KIF26B: variants seen among roughly 807,000 people sequenced by gnomAD.
KIF26B encodes kinesin-like protein KIF26B.
KIF26B carries 63 observed loss-of-function variants against 151.2 expected under a neutral mutation model. The ratio of observed to expected loss-of-function variants is 0.42; its 90% CI spans 0.34 to 0.51. The LOEUF (loss-of-function observed/expected upper bound fraction) is 0.51. KIF26B is among the 20% of genes least tolerant of loss of function. KIF26B has a pLI of 0.07. For synonymous variants in KIF26B, 1,357 were observed against 1,262.1 expected, an observed-to-expected ratio of 1.08 and a Z score of -1.59; for missense variants, 2,813 against 2,913.6, an observed-to-expected ratio of 0.97 and a Z score of 0.79.
chr1:245,624,473 A>G (rs559289176), intron 9 of KIF26B, among the ~76,000 whole-genome samples: 2 of 152,246 alleles, frequency 1.3e-5, no homozygotes, highest in East Asian at 1.9e-4. Context: ...TAGGTTTGTA[A>G]TAGTGTCTTG....
In KIF26B at chr1:245,597,756, T is replaced by A. The variant is rs2043349404; in HGVS notation, c.1351-4821T>A. On this transcript the variant is annotated intron_variant, in intron 5 of 14. Transcript: ENST00000407071. The surrounding 1 kb of genome is among the most constrained non-coding windows in gnomAD (Gnocchi z 4.6). ...CTTGGTTCCATTCTCCCTATCACTT[T>A]CAGGTACACCAATCAAACATAGGTT... Among the ~76,000 whole-genome samples the A allele has an allele frequency of 6.6e-6, 1 of 152,226 alleles. No homozygotes were observed. The highest frequency in any genetic ancestry group is 1.5e-5 in the Non-Finnish European group (1 of 68,038).
intron 2 of KIF26B, among the ~76,000 whole-genome samples, chr1:245,272,408 A>G (rs1340598994): frequency 6.6e-6 from 1 of 152,166 alleles, no homozygotes; most frequent in African/African-American, 2.4e-5. Context: ...ATCTCTTTAA[A>G]AAACAAACAA....
intron 3 of KIF26B, among the ~76,000 whole-genome samples, chr1:245,390,843 T>C (rs960357637): frequency 1.5e-5 from 2 of 137,862 alleles, no homozygotes; most frequent in African/African-American, 2.6e-5. Flanking sequence ...CCAAACCATT[T>C]GGGAGGCTGA....
chr1:245,191,533 T>C (rs1304511691), intron 2 of KIF26B, among the ~76,000 whole-genome samples: 1 of 151,952 alleles, frequency 6.6e-6, no homozygotes, highest in Non-Finnish European at 1.5e-5. Flanking sequence ...AGGAAATATA[T>C]GGATAAAGAA....
At chr1:245,406,126 G>A (rs1674129791) in intron 3 of KIF26B, among the ~76,000 whole-genome samples, 1 of 152,172 alleles carries the variant, frequency 6.6e-6, no homozygotes, top group Admixed American at 6.5e-5. Flanking sequence ...GAAGCACAGG[G>A]CACGTTCAGC....
chr1:245,404,224 T>A (rs115352750), intron 3 of KIF26B, among the ~76,000 whole-genome samples: 10,419 of 150,236 alleles, frequency 0.069, 480 homozygotes, highest in African/African-American at 0.13. Context: ...TTTTTTTTTT[T>A]ATAAAGCGTA....
chr1:245,326,633 C>T (rs180951015), intron 2 of KIF26B, among the ~76,000 whole-genome samples: 48 of 152,322 alleles, frequency 3.2e-4, no homozygotes, highest in Admixed American at 4.6e-4. Flanking sequence ...AGGCTTGGCA[C>T]AAGGAGCAGC....
intron 4 of KIF26B, among the ~76,000 whole-genome samples, chr1:245,426,520 G>A (rs1403668437): frequency 6.6e-6 from 1 of 152,154 alleles, no homozygotes; most frequent in Non-Finnish European, 1.5e-5. Flanking sequence ...AATCTCTTGT[G>A]TGGTATCTTC....
chr1:245,693,352 C>T (rs1265064997), intron 12 of KIF26B, among the ~76,000 whole-genome samples: 6 of 152,198 alleles, frequency 3.9e-5, no homozygotes, highest in Non-Finnish European at 4.4e-5. Context: ...GCCTGTTCTG[C>T]GCTCGACCCA....
rs1660328905 is a variant in KIF26B, at chr1:245,488,472, T to A, written c.1167-52295T>A. Among the ~76,000 whole-genome samples, 1 of 152,212 alleles carries A rather than the reference T, an allele frequency of 6.6e-6. No individual in the cohort carries two copies. The highest frequency in any genetic ancestry group is 1.5e-5 in the Non-Finnish European group (1 of 68,032). On this transcript the variant is annotated intron_variant, in intron 4 of 14. Coordinates refer to ENST00000407071, the MANE Select transcript of KIF26B (RefSeq NM_018012.4). The surrounding 1 kb of genome is among the most constrained non-coding windows in gnomAD (Gnocchi z 4.6). ...TCAGAGGATATGAAGGACAAGGGAC[T>A]GAGCCATGACACCTGTCACTTCCCG...
chr1:245,248,987 A>G (rs1195915756), intron 2 of KIF26B, among the ~76,000 whole-genome samples: 1 of 152,248 alleles, frequency 6.6e-6, no homozygotes, highest in Non-Finnish European at 1.5e-5. Flanking sequence ...GAGGTTTGAA[A>G]TAAGAACAAA....
chr1:245,349,633 A>G (rs945191614), intron 2 of KIF26B, among the ~76,000 whole-genome samples: 16 of 152,018 alleles, frequency 1.1e-4, no homozygotes, highest in Admixed American at 3.9e-4. Context: ...GTTTTTTCAG[A>G]ATGCCTCAGT....
chr1:245,470,797 G>C (rs1303411574), intron 4 of KIF26B, among the ~76,000 whole-genome samples: 1 of 152,094 alleles, frequency 6.6e-6, no homozygotes, highest in Non-Finnish European at 1.5e-5. Flanking sequence ...CTAGGCTTCG[G>C]AATTCCCTGC....
At chr1:245,185,368 A>T (rs1668982048) in intron 2 of KIF26B, among the ~76,000 whole-genome samples, 1 of 152,088 alleles carries the variant, frequency 6.6e-6, no homozygotes, top group Admixed American at 6.5e-5. Context: ...CGAACTCCTG[A>T]CCTCAGGTAA....
chr1:245,344,248 CCTTT>C (rs968923229), intron 2 of KIF26B, among the ~76,000 whole-genome samples: 7 of 151,892 alleles, frequency 4.6e-5, no homozygotes, highest in African/African-American at 1.2e-4. Context: ...CTCCCTCTCT[CCTTT>C]CTTTATTTTT....
At chr1:245,487,987 C>T in intron 4 of KIF26B, among the ~76,000 whole-genome samples, 1 of 152,034 alleles carries the variant, frequency 6.6e-6, no homozygotes, top group East Asian at 1.9e-4. Context: ...GAGGCTTCTC[C>T]AAGTCGGCCA....
In KIF26B at chr1:245,156,694, C is replaced by A. The variant is rs1352776377; in HGVS notation, c.465+11C>A. The A allele has an allele frequency of 1.4e-6, 2 of 1,467,838 alleles. No individual in the cohort carries two copies. Among genetic ancestry groups the A allele is most frequent in the Non-Finnish European group, 1.8e-6 (2 of 1,116,180 alleles). 90.9% of individuals were successfully genotyped at this position (1,467,838 alleles called of 1,614,324 possible). A position where few individuals can be genotyped will look rare whatever the true frequency, so the allele number is the denominator to read the frequency against. On this transcript the variant is annotated intron_variant, in intron 2 of 14. Transcript: ENST00000407071. ...CCCTTCCCGGGCAAGGTGAGCGCCG[C>A]GCGGGGCTGGCTGGGGAGGCGCCGG...
At position 245,212,107 on chromosome 1, in the gene KIF26B, T is replaced by G. The variant is rs146686478; in HGVS notation, c.465+55424T>G. On this transcript the variant is annotated intron_variant, in intron 2 of 14. Coordinates refer to ENST00000407071, the MANE Select transcript of KIF26B (RefSeq NM_018012.4). ...CCAGACCCTTCCCGACAACACTGCC[T>G]GCTTGGGATGCTCTAGGCAGAAGTG... is the stretch of plus-strand genomic sequence containing the variant. Among the ~76,000 whole-genome samples the G allele has an allele frequency of 2.9e-3, 440 of 152,294 alleles. 3 individuals carry two copies. Among genetic ancestry groups the G allele is most frequent in the Middle Eastern group, 0.01 (3 of 294 alleles).
Position 245,224,827 on chromosome 1 carries a change from T to C in KIF26B, c.465+68144T>C, listed in dbSNP as rs143109017. Among the ~76,000 whole-genome samples the C allele has an allele frequency of 2.9e-3, 447 of 152,180 alleles. 3 individuals are homozygous for C. Among genetic ancestry groups the C allele is most frequent in the African/African-American group, 0.01 (416 of 41,520 alleles). ...ACCAATGGATTTCCATGTAGTGGAG[T>C]AGAAAAAGTTTACTGATAACGGTTT... On this transcript the variant is annotated intron_variant, in intron 2 of 14. Transcript: ENST00000407071.
Sources: allele counts gnomAD v4.1 joint callset (sites outside exome capture counted in the v4.1 genomes callset), GRCh38; gene constraint gnomAD v4.1.1; non-coding constraint Gnocchi (gnomAD v3.1); transcripts MANE v1.5; gene names NCBI Gene and HGNC (gene_info 2026-07-23, HGNC 2026-07-21).